Variants in DMPK observed in about 807,000 individuals in gnomAD.
DMPK encodes DM1 protein kinase.
A neutral mutation model predicts 70.3 loss-of-function variants in DMPK; 32 were observed. The ratio of observed to expected loss-of-function variants is 0.46; its 90% CI spans 0.34 to 0.61. The LOEUF is 0.61. Among genes scored for constraint, DMPK ranks in the 20% least tolerant of loss-of-function variants. The pLI, the probability that DMPK is intolerant of heterozygous loss-of-function variation, is 0.01. For synonymous variants in DMPK, 469 were observed against 390.9 expected (o/e 1.20, Z -2.36); for missense variants, 899 against 886.0 (o/e 1.01, Z -0.19).
Position 45,771,067 on chromosome 19 carries a change from A to T in DMPK, c.1648-7T>A. On this transcript the variant is annotated splice_region_variant and splice_polypyrimidine_tract_variant and intron_variant, in intron 13 of 14. Coordinates refer to ENST00000291270, the MANE Select transcript of DMPK (RefSeq NM_004409.5). Reference sequence around the variant, plus strand: ...CGGCCGGGGGGCCATCTAGCTGGAGAGAGAAGGGACAGGTGACCCGATCGG... The same window carrying T: ...CGGCCGGGGGGCCATCTAGCTGGAGTGAGAAGGGACAGGTGACCCGATCGG... The T allele has an allele frequency of 6.6e-7, 1 of 1,524,496 alleles. No homozygotes were observed. The highest frequency in any genetic ancestry group is 8.8e-7 in the Non-Finnish European group (1 of 1,136,714). The allele number at this position is 1,524,496 out of a possible 1,614,324, so 94.4% of individuals were successfully genotyped here.
intron 8 of DMPK, chr19:45,776,913 C>A (rs765755431): frequency 1.3e-4 from 22 of 175,400 alleles, no homozygotes; most frequent in African/African-American, 4.3e-4. Flanking sequence ...CAAAAGGGCA[C>A]CCAGAGCCGA....
At chr19:45,774,355 C>T (rs1260952621) in intron 9 of DMPK, among the ~76,000 whole-genome samples, 5 of 151,502 alleles carry the variant, frequency 3.3e-5, no homozygotes, top group African/African-American at 1.2e-4. Flanking sequence ...CTCCGCCTCC[C>T]GGGTTCATGC....
Position 45,770,436 on chromosome 19 carries a change from C to G in DMPK, c.*52G>C, listed in dbSNP as rs758598753. On this transcript the variant is annotated 3_prime_UTR_variant, in exon 15 of 15. Coordinates refer to ENST00000291270, the MANE Select transcript of DMPK (RefSeq NM_004409.5). ...GTGGGCGCGGCTTCTGTGCCGTGCC[C>G]CGGGCACTCAGTCTTCCAACGGGGC... 1 of 1,545,482 alleles carries G rather than the reference C, an allele frequency of 6.5e-7. No individual in the cohort carries two copies. The highest frequency in any genetic ancestry group is 1.4e-5 in the African/African-American group (1 of 73,038).
At chr19:45,771,695 C>A in intron 11 of DMPK, 30 bp from the exon 12 acceptor site, 1 of 1,613,060 alleles carries the variant, frequency 6.2e-7, no homozygotes, top group Non-Finnish European at 8.5e-7. Context: ...GTGAGTCCGT[C>A]CGGGCCGGAC....
rs761361885 is a variant in DMPK at position 45,778,201 on chromosome 19, T to A, written c.601A>T (p.Ile201Phe). ...ATGTGGCCACAGCGGTCCAGCAGGA[T>A]GTTGTCGGGTTTGATGTCCCTGCAC... ...YVHRDIKPDN[I>F]LLDRCGHIRL... Residue 201 changes from isoleucine (I) to phenylalanine (F), a missense_variant, in exon 6 of 15, where the codon ATC becomes TTC. Physicochemically the swap from Ile to Phe is conservative, Grantham distance 21. This residue lies in a region of DMPK where 195 missense variants were observed against 259.7 expected (regional missense o/e 0.75). Coordinates refer to ENST00000291270, the MANE Select transcript of DMPK (RefSeq NM_004409.5). 1.2e-6 allele frequency: 2 copies of A among 1,613,794 alleles called. No individual in the cohort carries two copies. The highest frequency in any genetic ancestry group is 1.1e-5 in the South Asian group (1 of 91,022).
chr19:45,771,839 C>A lies in DMPK; in HGVS notation c.1434G>T (p.Glu478Asp), dbSNP rs1304997406. 2 of 1,575,642 alleles carry A rather than the reference C, an allele frequency of 1.3e-6. No homozygotes were observed. Among genetic ancestry groups the A allele is most frequent in the Admixed American group, 3.7e-5 (2 of 54,222 alleles). Residue 478 changes from glutamate (E) to aspartate (D), a missense_variant, in exon 11 of 15, where the codon GAG (glutamate) becomes GAT (aspartate). Coordinates refer to ENST00000291270, the MANE Select transcript of DMPK (RefSeq NM_004409.5). ...LRELQEALEE[E>D]VLTRQSLSRE... ...GGCTCAGGCTCTGCCGGGTGAGCAC[C>A]TCCTCCTCCAGGGCTTCCTGGAGCT...
rs190241849 is a variant in DMPK, at chr19:45,773,597, C to T, written c.1233-845G>A. 2.2e-3 allele frequency among the ~76,000 whole-genome samples: 333 copies of T among 152,340 alleles called. 1 individual carries two copies. Among genetic ancestry groups the T allele is most frequent in the Non-Finnish European group, 3.6e-3 (244 of 68,036 alleles). On this transcript the variant is annotated intron_variant, in intron 9 of 14. Transcript: ENST00000291270. ...GGTGAGCTCACGAGATATCAACTTC[C>T]TTTTCCTTATCTGTATTTTCTAATT...
chr19:45,771,735 C>T, intron 11 of DMPK, 36 bp downstream of exon 11: 1 of 1,601,250 alleles, frequency 6.2e-7, no homozygotes, highest in East Asian at 2.2e-5. Context: ...TGCCACCGGC[C>T]CGCATCCCGG....
chr19:45,770,865 C>T (rs531672794), intron 14 of DMPK, 106 bp downstream of exon 14: 5 of 1,044,118 alleles, frequency 4.8e-6, no homozygotes, highest in Non-Finnish European at 6.7e-6. Context: ...AAGATCCGCC[C>T]TCCTGCCGTG....
chr19:45,780,012 C>A, intron 1 of DMPK, 143 bp from the exon 2 acceptor site: 1 of 1,553,898 alleles, frequency 6.4e-7, no homozygotes, highest in Non-Finnish European at 8.7e-7. Flanking sequence ...AGGGGCTTCC[C>A]CACATAAACA....
At chr19:45,776,636 T>G (rs1389377559) in intron 8 of DMPK, 2 of 152,642 alleles carry the variant, frequency 1.3e-5, no homozygotes, top group African/African-American at 4.8e-5. Flanking sequence ...TTTAAAACAT[T>G]TTTGTAGAGA....
chr19:45,777,108 A>T lies in DMPK; in HGVS notation c.1146+219T>A. The T allele has an allele frequency of 1.6e-6, 1 of 621,908 alleles. No individual in the cohort carries two copies. The allele number at this position is 621,908 out of a possible 1,614,324, so 38.5% of individuals were successfully genotyped here. A position where few individuals can be genotyped will look rare whatever the true frequency, so the allele number is the denominator to read the frequency against. On this transcript the variant is annotated intron_variant, in intron 8 of 14. Coordinates refer to ENST00000291270, the MANE Select transcript of DMPK (RefSeq NM_004409.5). This position sits in a 1 kb window ranked among gnomAD's most constrained non-coding sequence, Gnocchi z 6.7. ...CCTGCACTCCATTGTCTCAGCCCTG[A>T]TCACTCTGGGGCCTTACTGTCTGAA... is the stretch of plus-strand genomic sequence containing the variant.
chr19:45,777,500 G>A lies in DMPK; in HGVS notation c.973C>T (p.Leu325=). 1 of 1,613,544 alleles carries A rather than the reference G, an allele frequency of 6.2e-7. No individual in the cohort carries two copies. ...QRLLCPPETR[L]GRGGAGDFRT... is the part of the protein sequence containing the mutation. ...AAGTCGCCTGCTCCACCCCGGCCCA[G>A]CCGTGTCTCCGGGGGACACAGCAAC... The change falls in exon 8 of 15, where the codon CTG becomes TTG. Residue 325 remains leucine, a synonymous_variant. Transcript: ENST00000291270. This position sits in a 1 kb window ranked among gnomAD's most constrained non-coding sequence, Gnocchi z 6.7.
Position 45,771,666 on chromosome 19 carries a change from CTG to C in DMPK, c.1503-3_1503-2del. On this transcript the variant is annotated splice_acceptor_variant and splice_polypyrimidine_tract_variant and intron_variant, in intron 11 of 14. Transcript: ENST00000291270. LOFTEE classifies it high-confidence loss of function. ...CCGAGCCTCTGCCTCGCGTAGTTGACTGTGGGGAGGTAAGGACGGTGAGTCCG... is the reference window on the plus strand; with the variant it reads ...CCGAGCCTCTGCCTCGCGTAGTTGACTGGGGAGGTAAGGACGGTGAGTCCG... The C allele has an allele frequency of 6.2e-7, 1 of 1,613,932 alleles. No homozygotes were observed. Among genetic ancestry groups the C allele is most frequent in the Non-Finnish European group, 8.5e-7 (1 of 1,179,920 alleles).
At chr19:45,778,775 A>G (rs1969932850) in intron 4 of DMPK, 134 bp from the exon 5 acceptor site, 1 of 956,272 alleles carries the variant, frequency 1.0e-6, no homozygotes, top group East Asian at 2.7e-5. Context: ...AGATAACCAT[A>G]GAGATCTGCC....
At chr19:45,773,185 G>A (rs1969572607) in intron 9 of DMPK, among the ~76,000 whole-genome samples, 1 of 152,212 alleles carries the variant, frequency 6.6e-6, no homozygotes, top group Admixed American at 6.5e-5. Context: ...GGCAACTTGA[G>A]GTCAGCACAC....
intron 1 of DMPK, chr19:45,780,078 A>C (rs1221505446): frequency 6.6e-7 from 1 of 1,507,842 alleles, no homozygotes; most frequent in Non-Finnish European, 8.9e-7. Context: ...GATGCCTGAG[A>C]AGCCCTTTGC....
rs777783703 is a variant in DMPK at position 45,771,409 on chromosome 19, GAA to G, written c.1601-15_1601-14del. On this transcript the variant is annotated splice_polypyrimidine_tract_variant and intron_variant, in intron 12 of 14. Transcript: ENST00000291270. ...ACCCCCGTGACAGCTGGAAGGAGAA[GAA>G]AGAGGCATAGGGCGCGTGGAGGGGC... 7 of 1,608,918 alleles carry G rather than the reference GAA, an allele frequency of 4.4e-6. No homozygotes were observed. In the African/African-American group the frequency reaches 8.1e-5, roughly 19 times the overall value.
Position 45,770,635 on chromosome 19 carries a change from A to G in DMPK, c.1743T>C (p.Pro581=). Residue 581 remains proline (P), a synonymous_variant, in exon 15 of 15, where the codon CCT becomes CCC. Transcript: ENST00000291270. ...RRHLLLPARV[P]RPGLSEALSL... The stretch of plus-strand genomic sequence containing the variant: ...AAAGCGCCTCCGATAGGCCAGGCCT[A>G]GGGACCTGCGGGGAGAGGGCGAGGT... 2 of 1,551,738 alleles carry G rather than the reference A, an allele frequency of 1.3e-6. No individual in the cohort carries two copies. Among genetic ancestry groups the G allele is most frequent in the Non-Finnish European group, 1.7e-6 (2 of 1,147,654 alleles).
Sources: allele counts gnomAD v4.1 joint callset (sites outside exome capture counted in the v4.1 genomes callset), GRCh38; gene constraint gnomAD v4.1.1; regional missense constraint gnomAD v4.1.1; non-coding constraint Gnocchi (gnomAD v3.1); transcripts MANE v1.5; gene names NCBI Gene and HGNC (gene_info 2026-07-23, HGNC 2026-07-21).